The following CDH15 variants were observed in gnomAD, a reference collection of about 807,000 sequenced individuals.
CDH15 encodes the protein cadherin-15.
A neutral mutation model predicts 69.4 loss-of-function variants in CDH15; 73 were observed. The observed-to-expected ratio is 1.05, with a 90% CI of 0.87 to 1.28. The LOEUF (loss-of-function observed/expected upper bound fraction) is 1.28, where lower values mean the gene tolerates loss of function less well. Ranked by LOEUF, CDH15 falls within the 50% of genes most tolerant of loss-of-function variation. The probability of loss-of-function intolerance (pLI) is 0.00; values close to 1 mark genes in which losing one functional copy is unlikely to be tolerated. For missense variants in CDH15, 1,343 were observed against 1,133.6 expected, an observed-to-expected ratio of 1.18 and a Z score of -2.65; for synonymous variants, 624 against 507.7, an observed-to-expected ratio of 1.23 and a Z score of -3.08.
intron 1 of CDH15, among the ~76,000 whole-genome samples, chr16:89,172,424 C>T (rs1441832509): frequency 6.6e-6 from 1 of 152,158 alleles, no homozygotes; most frequent in Non-Finnish European, 1.5e-5. Context: ...AGGGCCCAGC[C>T]CGAGCCAGGT....
intron 11 of CDH15, 74 bp from the exon 12 acceptor site, chr16:89,193,396 C>T: frequency 7.5e-7 from 1 of 1,330,960 alleles, no homozygotes; most frequent in African/African-American, 1.5e-5. Flanking sequence ...CCCCTCCTCC[C>T]ACCTCCTTCG....
intron 9 of CDH15, 27 bp from the exon 10 acceptor site, chr16:89,191,628 A>T (rs1010464189): frequency 7.0e-6 from 11 of 1,569,004 alleles, no homozygotes; most frequent in Non-Finnish European, 9.5e-6. Flanking sequence ...TGTTGGGGTC[A>T]CTAAGCCGCG....
chr16:89,181,188 C>A (rs1332155391), intron 3 of CDH15, among the ~76,000 whole-genome samples: 3 of 152,222 alleles, frequency 2.0e-5, no homozygotes, highest in African/African-American at 7.2e-5. Flanking sequence ...TCCCAAAGTG[C>A]TAGGATTACA....
At chr16:89,178,491 G>C (rs1423618088) in intron 1 of CDH15, among the ~76,000 whole-genome samples, 1 of 152,124 alleles carries the variant, frequency 6.6e-6, no homozygotes, top group East Asian at 1.9e-4. Context: ...AGTGAGGCTG[G>C]GGGTGGGGCT....
chr16:89,171,923 G>A lies in CDH15; in HGVS notation c.42+50G>A, dbSNP rs1432372798. ...TCCCCGCTGCCTCCCTCGACGCTGC[G>A]GGACAGTGTCTTCAACTGCAGCCGC... is the stretch of plus-strand genomic sequence containing the variant. On this transcript the variant is annotated intron_variant, in intron 1 of 13. Coordinates refer to ENST00000289746, the MANE Select transcript of CDH15 (RefSeq NM_004933.3). 9 of 1,515,604 alleles carry A rather than the reference G, an allele frequency of 5.9e-6. No homozygotes were observed. The Admixed American group carries it at 1.2e-4, about 20-fold the overall frequency. 93.9% of individuals were successfully genotyped at this position (1,515,604 alleles called of 1,614,324 possible). A position where few individuals can be genotyped will look rare whatever the true frequency, so the allele number is the denominator to read the frequency against.
rs1157893740 is a variant in CDH15, at chr16:89,185,329, G to T, written c.659G>T (p.Arg220Leu). 1.9e-6 allele frequency: 3 copies of T among 1,599,974 alleles called. No individual in the cohort carries two copies. The highest frequency in any genetic ancestry group is 2.6e-6 in the Non-Finnish European group (3 of 1,173,622). The stretch of plus-strand genomic sequence containing the variant: ...CGCACAGTGCAAGTGGGGCTGGACC[G>T]CGAGGTGAGGTGGCGCCCCGGCAGC... ...EIRTVQVGLD[R>L]EVVAVYNLTL... Residue 220 changes from arginine to leucine, a missense_variant, in exon 5 of 14, where the codon CGC (arginine) becomes CTC (leucine). Physicochemically the swap from Arg to Leu is moderately radical, Grantham distance 102 (BLOSUM62 -2). Coordinates refer to ENST00000289746, the MANE Select transcript of CDH15 (RefSeq NM_004933.3).
rs1244903150 is a variant in CDH15, at chr16:89,192,445, G to C, written c.1855+1G>C. ...CTGGCCAGCGCCCTCCTGCTGCTGG[G>C]TGAGTGAGCGCCCCGCCTCCACCTG... On this transcript the variant is annotated splice_donor_variant, in intron 11 of 13. Transcript: ENST00000289746. LOFTEE classifies it high-confidence loss of function. The C allele has an allele frequency of 6.4e-7, 1 of 1,561,572 alleles. No homozygotes were observed. Among genetic ancestry groups the C allele is most frequent in the Non-Finnish European group, 8.6e-7 (1 of 1,161,346 alleles).
chr16:89,188,082 C>T lies in CDH15; in HGVS notation c.793-18C>T. 2 of 1,600,122 alleles carry T rather than the reference C, an allele frequency of 1.2e-6. No individual in the cohort carries two copies. The highest frequency in any genetic ancestry group is 2.7e-5 in the African/African-American group (2 of 74,816). On this transcript the variant is annotated intron_variant, in intron 6 of 13. Coordinates refer to ENST00000289746, the MANE Select transcript of CDH15 (RefSeq NM_004933.3). ...CCCCCAGCCCTGCTGGTAACTGGGG[C>T]TGGGATCCCCCACCCAGTTCTTCAT...
In CDH15 at chr16:89,194,918, C is replaced by T. The variant is rs774128146; in HGVS notation, c.2208C>T (p.Ile736=). The change falls in exon 14 of 14, where the codon ATC becomes ATT. Residue 736 remains isoleucine (I), a synonymous_variant. Coordinates refer to ENST00000289746, the MANE Select transcript of CDH15 (RefSeq NM_004933.3). ...TGCCGCCTTACGACACAGCCCTCAT[C>T]TATGACTACGAGGGTGACGGCTCGG... ...PSVPPYDTAL[I]YDYEGDGSVA... 5 of 1,608,392 alleles carry T rather than the reference C, an allele frequency of 3.1e-6. No homozygotes were observed. The highest frequency in any genetic ancestry group is 1.7e-4 in the Middle Eastern group (1 of 6,044).
rs142647750 is a variant in CDH15 at position 89,187,483 on chromosome 16, C to G, written c.718C>G (p.Leu240Val). Residue 240 changes from leucine to valine, a missense_variant, in exon 6 of 14, where the codon CTC (leucine) becomes GTC (valine). Leu to Val is a conservative substitution (Grantham distance 32). Coordinates refer to ENST00000289746, the MANE Select transcript of CDH15 (RefSeq NM_004933.3). ...LQVADMSGDG[L>V]TATASAIITL... is the part of the protein sequence containing the mutation. ...GGTGGCGGACATGTCTGGAGACGGC[C>G]TCACAGCCACTGCCTCAGCCATCAT... The G allele has an allele frequency of 3.1e-6, 5 of 1,613,524 alleles. No individual in the cohort carries two copies. Among genetic ancestry groups the G allele is most frequent in the Non-Finnish European group, 4.2e-6 (5 of 1,180,038 alleles).
chr16:89,177,243 G>T (rs550696201), intron 1 of CDH15, among the ~76,000 whole-genome samples: 1 of 152,284 alleles, frequency 6.6e-6, no homozygotes, highest in East Asian at 1.9e-4. Flanking sequence ...GGCTGGGAAG[G>T]TCGGGGTACC....
intron 1 of CDH15, among the ~76,000 whole-genome samples, chr16:89,173,751 G>C (rs1209964850): frequency 6.6e-6 from 1 of 152,156 alleles, no homozygotes. Context: ...TCCCCTGCTC[G>C]GGCCACCTCT....
chr16:89,180,894 T>G (rs1288489695), intron 3 of CDH15, among the ~76,000 whole-genome samples: 1 of 151,296 alleles, frequency 6.6e-6, no homozygotes, highest in African/African-American at 2.4e-5. Flanking sequence ...CGGCTAATTG[T>G]TTGTATTTTT....
chr16:89,191,594 G>A (rs1915642883), intron 9 of CDH15, 61 bp from the exon 10 acceptor site: 2 of 1,571,956 alleles, frequency 1.3e-6, no homozygotes, highest in Non-Finnish European at 1.7e-6. Flanking sequence ...CCCGCTCTGA[G>A]CCGACTGGTG....
intron 1 of CDH15, among the ~76,000 whole-genome samples, chr16:89,172,250 G>A (rs530914530): frequency 4.6e-5 from 7 of 152,102 alleles, no homozygotes; most frequent in African/African-American, 1.4e-4. Context: ...CCCCTCTCTG[G>A]GGGGCTGGGG....
intron 10 of CDH15, 139 bp from the exon 11 acceptor site, chr16:89,192,066 A>G: frequency 8.2e-7 from 1 of 1,215,974 alleles, no homozygotes. Flanking sequence ...AGGGTTACTC[A>G]TTGTGCCCAG....
At position 89,179,504 on chromosome 16, in the gene CDH15, G is replaced by A. The variant is rs199879102; in HGVS notation, c.131G>A (p.Arg44Gln). The change falls in exon 2 of 14, where the codon CGG becomes CAG. Residue 44 changes from arginine to glutamine, a missense_variant. By Grantham distance (43) the Arg-to-Gln change is conservative (BLOSUM62 1). Transcript: ENST00000289746. The part of the protein sequence containing the change: ...WRRAPALSRV[R>Q]RAWVIPPISV... ...CGGGCGCCTGCCCTGAGCCGCGTGC[G>A]GAGGGCCTGGGTCATCCCCCCGATC... is the stretch of plus-strand genomic sequence containing the variant. 1.6e-4 allele frequency: 263 copies of A among 1,613,228 alleles called. 1 individual carries two copies. Among genetic ancestry groups the A allele is most frequent in the East Asian group, 1.2e-3 (56 of 44,878 alleles).
chr16:89,174,060 G>A (rs1384655936), intron 1 of CDH15, among the ~76,000 whole-genome samples: 1 of 152,226 alleles, frequency 6.6e-6, no homozygotes, highest in Non-Finnish European at 1.5e-5. Context: ...GGCCAAGAAG[G>A]GAAGTGGCTC....
rs763812014 is a variant in CDH15 at position 89,191,898 on chromosome 16, C to A, written c.1615+4C>A. ...TGGAGCCTCAGCCAGGTCAACGGTG[C>A]GCTCCCCTCACCGCCGCGCTCCCCC... is the stretch of plus-strand genomic sequence containing the variant. On this transcript the variant is annotated splice_donor_region_variant and intron_variant, in intron 10 of 13. Transcript: ENST00000289746. The A allele has an allele frequency of 6.4e-7, 1 of 1,556,702 alleles. No individual in the cohort carries two copies.
Sources: gnomAD v4.1 joint callset for allele counts (sites outside exome capture counted in the v4.1 genomes callset) on GRCh38, gnomAD v4.1.1 for gene constraint, MANE v1.5 for transcripts, NCBI Gene and HGNC (gene_info 2026-07-23, HGNC 2026-07-21) for gene names.